MAGI2: variants seen among roughly 807,000 people sequenced by gnomAD.
MAGI2 encodes the protein membrane associated guanylate kinase, WW and PDZ domain containing 2.
In MAGI2, 35 loss-of-function variants were observed where a neutral mutation model predicts 133.3. The ratio of observed to expected loss-of-function variants is 0.26; its 90% CI spans 0.20 to 0.35. The LOEUF (loss-of-function observed/expected upper bound fraction) is 0.35. MAGI2 is among the 10% of genes least tolerant of loss of function. The pLI, the probability that MAGI2 is intolerant of heterozygous loss-of-function variation, is 1.00. For synonymous variants in MAGI2, 729 were observed against 710.6 expected, an observed-to-expected ratio of 1.03 and a Z score of -0.41; for missense variants, 1,636 against 1,863.4, an observed-to-expected ratio of 0.88 and a Z score of 2.25.
intron 21 of MAGI2, among the ~76,000 whole-genome samples, chr7:78,021,651 C>T (rs922716395): frequency 6.6e-6 from 1 of 152,166 alleles, no homozygotes; most frequent in East Asian, 1.9e-4. Context: ...ATGTGAAATT[C>T]GAATGGAACA....
intron 20 of MAGI2, among the ~76,000 whole-genome samples, chr7:78,093,504 C>T (rs79910263): frequency 0.011 from 1,593 of 151,698 alleles, 22 homozygotes; most frequent in African/African-American, 0.037. Context: ...TTTACACCAA[C>T]CTAACATATG....
At chr7:78,233,076 G>A (rs955086) in intron 10 of MAGI2, among the ~76,000 whole-genome samples, 44,311 of 151,994 alleles carry the variant, frequency 0.29, 7,525 homozygotes, top group Non-Finnish European at 0.37. Flanking sequence ...AAATTTGGAT[G>A]TAAGAGAAAA....
At chr7:78,075,842 A>G (rs1815230746) in intron 21 of MAGI2, among the ~76,000 whole-genome samples, 1 of 152,168 alleles carries the variant, frequency 6.6e-6, no homozygotes, top group Non-Finnish European at 1.5e-5. Flanking sequence ...ATCCTCAAAG[A>G]TGCTATGATC....
intron 2 of MAGI2, among the ~76,000 whole-genome samples, chr7:78,800,786 A>G (rs969395426): frequency 6.6e-6 from 1 of 152,078 alleles, no homozygotes; most frequent in African/African-American, 2.4e-5. Flanking sequence ...TTAGTCATCC[A>G]TATTTCCTTG....
chr7:79,163,014 C>CA (rs1012463464), intron 1 of MAGI2, among the ~76,000 whole-genome samples: 33 of 151,594 alleles, frequency 2.2e-4, no homozygotes, highest in African/African-American at 8.0e-4. Context: ...TGCCAAGGGA[C>CA]AAAAAACAAA....
chr7:79,167,968 C>T (rs1825111848), intron 1 of MAGI2, among the ~76,000 whole-genome samples: 1 of 152,098 alleles, frequency 6.6e-6, no homozygotes, highest in African/African-American at 2.4e-5. Flanking sequence ...AAACCACAAA[C>T]AATAGCATGA....
At chr7:79,301,916 T>C (rs771748509) in intron 1 of MAGI2, among the ~76,000 whole-genome samples, 1 of 152,124 alleles carries the variant, frequency 6.6e-6, no homozygotes, top group African/African-American at 2.4e-5. Flanking sequence ...GTGTGGCACC[T>C]CTCCCCAGCT....
At chr7:78,357,103 C>A (rs1792164662) in intron 7 of MAGI2, among the ~76,000 whole-genome samples, 1 of 152,134 alleles carries the variant, frequency 6.6e-6, no homozygotes, top group African/African-American at 2.4e-5. Context: ...TTTTGACATT[C>A]TTGGAATATT....
intron 1 of MAGI2, among the ~76,000 whole-genome samples, chr7:79,239,273 TG>T (rs1468515671): frequency 1.3e-5 from 2 of 152,206 alleles, no homozygotes; most frequent in Non-Finnish European, 2.9e-5. Flanking sequence ...TTGACAAACT[TG>T]TAACTATGTA....
At chr7:78,888,300 G>C (rs941545491) in intron 2 of MAGI2, among the ~76,000 whole-genome samples, 4 of 152,192 alleles carry the variant, frequency 2.6e-5, no homozygotes, top group Non-Finnish European at 4.4e-5. Flanking sequence ...TCCACCTCTG[G>C]GGGCAGGGCA....
intron 6 of MAGI2, among the ~76,000 whole-genome samples, chr7:78,423,021 T>C (rs910213031): frequency 6.6e-6 from 1 of 152,184 alleles, no homozygotes; most frequent in African/African-American, 2.4e-5. Context: ...TTTATCAAAA[T>C]AAATTAAAAG....
chr7:79,144,388 CA>C (rs1822418717), intron 1 of MAGI2, among the ~76,000 whole-genome samples: 2 of 152,206 alleles, frequency 1.3e-5, no homozygotes, highest in African/African-American at 4.8e-5. Context: ...CCAGTTCTCA[CA>C]AGATCTGATT....
intron 1 of MAGI2, among the ~76,000 whole-genome samples, chr7:79,230,552 G>A (rs1210031228): frequency 1.3e-5 from 2 of 151,784 alleles, no homozygotes; most frequent in Non-Finnish European, 2.9e-5. Context: ...GTGATGACGA[G>A]CATTTTTTCA....
intron 2 of MAGI2, among the ~76,000 whole-genome samples, chr7:78,703,430 A>C (rs1347416055): frequency 2.0e-5 from 3 of 152,016 alleles, no homozygotes; most frequent in Admixed American, 1.3e-4. Context: ...ACATTTTGAG[A>C]TTGAACGTGT....
intron 15 of MAGI2, among the ~76,000 whole-genome samples, chr7:78,162,138 C>A (rs1335578931): frequency 6.6e-6 from 1 of 152,102 alleles, no homozygotes; most frequent in Non-Finnish European, 1.5e-5. Context: ...GTTATTGGAC[C>A]AAACCAGTAA....
At chr7:78,813,892 C>A (rs1448817319) in intron 2 of MAGI2, among the ~76,000 whole-genome samples, 1 of 151,018 alleles carries the variant, frequency 6.6e-6, no homozygotes, top group Non-Finnish European at 1.5e-5. Context: ...AACATGCGTA[C>A]AACACCTACA....
chr7:78,538,602 G>C (rs930750296), intron 3 of MAGI2, among the ~76,000 whole-genome samples: 24 of 152,214 alleles, frequency 1.6e-4, no homozygotes, highest in Admixed American at 2.6e-4. Context: ...GGTTGTTGTA[G>C]CTATTGTAAA....
chr7:78,430,719 T>A (rs1799711183), intron 6 of MAGI2, among the ~76,000 whole-genome samples: 1 of 152,094 alleles, frequency 6.6e-6, no homozygotes, highest in Non-Finnish European at 1.5e-5. Flanking sequence ...GTGTAGTAAT[T>A]TGTCTATTTC....
At chr7:78,755,738 T>C (rs986425131) in intron 2 of MAGI2, among the ~76,000 whole-genome samples, 17 of 152,312 alleles carry the variant, frequency 1.1e-4, no homozygotes, top group African/African-American at 3.6e-4. Context: ...CAAAGGCATA[T>C]AGTTTGATGT....
Sources: allele counts gnomAD v4.1 joint callset (sites outside exome capture counted in the v4.1 genomes callset), GRCh38; gene constraint gnomAD v4.1.1; transcripts MANE v1.5; gene names NCBI Gene and HGNC (gene_info 2026-07-23, HGNC 2026-07-21).